The following FAS variants were observed in gnomAD, a reference collection of about 807,000 sequenced individuals.
The protein encoded by FAS is Fas cell surface death receptor, also known as tumor necrosis factor receptor superfamily member 6.
In FAS, 5 loss-of-function variants were observed where a neutral mutation model predicts 33.2. That is an observed-to-expected ratio of 0.15 (90% CI 0.08 to 0.32). The LOEUF (loss-of-function observed/expected upper bound fraction) is 0.32, where lower values mean the gene tolerates loss of function less well. FAS is among the 10% of genes least tolerant of loss of function. The pLI is 1.00. For missense variants in FAS, 339 were observed against 386.0 expected, an observed-to-expected ratio of 0.88 and a Z score of 1.02; for synonymous variants, 131 against 130.7, an observed-to-expected ratio of 1.00 and a Z score of -0.01.
In FAS at chr10:88,973,317, A is replaced by C. The variant is rs774745325; in HGVS notation, n.230A>C. On this transcript the variant is annotated non_coding_transcript_exon_variant, in exon 2 of 4. Transcript: ENST00000688239. ...ATCACCATCTGAACAGCTCTGAGAG[A>C]GACAAGAAGTGGAATGGAGAAGGTG... 3 of 1,570,488 alleles carry C rather than the reference A, an allele frequency of 1.9e-6. No individual in the cohort carries two copies. The Admixed American group carries it at 5.4e-5, about 28-fold the overall frequency.
In FAS at chr10:88,990,872, C is replaced by A. The variant is rs193250321; in HGVS notation, c.-5C>A. 13 of 1,614,238 alleles carry A rather than the reference C, an allele frequency of 8.1e-6. 1 individual carries two copies. Among genetic ancestry groups the A allele is most frequent in the Middle Eastern group, 1.6e-4 (1 of 6,062 alleles). ...TCTTTCACTTCGGAGGATTGCTCAACAACCATGCTGGGCATCTGGACCCTC... is the reference window on the plus strand; with the variant it reads ...TCTTTCACTTCGGAGGATTGCTCAAAAACCATGCTGGGCATCTGGACCCTC... On this transcript the variant is annotated 5_prime_UTR_variant, in exon 1 of 9. Coordinates refer to ENST00000652046, the MANE Select transcript of FAS (RefSeq NM_000043.6). This position sits in a 1 kb window ranked among gnomAD's most constrained non-coding sequence, Gnocchi z 4.9.
At chr10:89,013,322 C>G in intron 7 of FAS, 21 bp from the exon 8 acceptor site, 2 of 1,607,388 alleles carry the variant, frequency 1.2e-6, no homozygotes, top group Non-Finnish European at 1.7e-6. Flanking sequence ...TCTTTCTCTG[C>G]TTCCATTTTT....
rs1238133154 is a variant in FAS at position 89,015,368 on chromosome 10, T to A, written c.*918T>A. ...TCAGAGAAAGTAGCTTTGTGACATG[T>A]CATGAACCCATGTTTGCAATCAAAG... On this transcript the variant is annotated 3_prime_UTR_variant, in exon 9 of 9. Coordinates refer to ENST00000652046, the MANE Select transcript of FAS (RefSeq NM_000043.6). 1.9e-6 allele frequency: 1 copy of A among 532,186 alleles called. No individual in the cohort carries two copies. Among genetic ancestry groups the A allele is most frequent in the Admixed American group, 2.2e-5 (1 of 44,950 alleles). 33.0% of individuals were successfully genotyped at this position (532,186 alleles called of 1,614,324 possible).
In FAS at chr10:89,014,481, T is replaced by C; in HGVS notation, c.*31T>C. On this transcript the variant is annotated 3_prime_UTR_variant, in exon 9 of 9. Transcript: ENST00000652046. ...AAAACAACAAATTCAGTTCTGAGTA[T>C]ATGCAATTAGTGTTTGAAAAGATTC... 6.3e-7 allele frequency: 1 copy of C among 1,586,284 alleles called. No individual in the cohort carries two copies. Among genetic ancestry groups the C allele is most frequent in the Non-Finnish European group, 8.6e-7 (1 of 1,165,448 alleles).
At chr10:88,976,869 C>T (rs1289372144) in intron 2 of FAS, among the ~76,000 whole-genome samples, 2 of 152,116 alleles carry the variant, frequency 1.3e-5, no homozygotes, top group Non-Finnish European at 2.9e-5. Flanking sequence ...ATTATTAGAG[C>T]TTCTTAGAGG....
At chr10:88,965,454 CT>C (rs1373855548) in intron 1 of FAS, among the ~76,000 whole-genome samples, 9 of 152,168 alleles carry the variant, frequency 5.9e-5, no homozygotes, top group Non-Finnish European at 1.2e-4. Flanking sequence ...CATTCTCTGG[CT>C]GTAGGCTTTC....
chr10:88,991,054 G>C, intron 1 of FAS, 148 bp downstream of exon 1: 1 of 1,022,084 alleles, frequency 9.8e-7, no homozygotes, highest in South Asian at 1.4e-5. Context: ...GGAGGCGTTG[G>C]AGACTGGCTC....
At chr10:88,965,852 GACTA>G (rs1318632181) in intron 1 of FAS, among the ~76,000 whole-genome samples, 4 of 152,166 alleles carry the variant, frequency 2.6e-5, no homozygotes, top group Non-Finnish European at 5.9e-5. Context: ...TCACCGTAAT[GACTA>G]ACTTTTGAGA....
intron 1 of FAS, 23 bp from the exon 2 acceptor site, chr10:89,003,006 C>A (rs760471530): frequency 2.5e-6 from 4 of 1,613,660 alleles, no homozygotes; most frequent in Non-Finnish European, 2.5e-6. Context: ...CAATAAAATT[C>A]TCTTCATGCT....
At chr10:88,985,503 C>CA (rs1483500973), upstream of FAS, among the ~76,000 whole-genome samples, 1 of 152,216 alleles carries the variant, frequency 6.6e-6, no homozygotes, top group Non-Finnish European at 1.5e-5. Flanking sequence ...CTCCCCTGCC[C>CA]ATTCTCCTCC....
At chr10:89,000,378 C>T (rs539412805) in intron 1 of FAS, among the ~76,000 whole-genome samples, 6 of 152,274 alleles carry the variant, frequency 3.9e-5, no homozygotes, top group South Asian at 2.1e-4. Context: ...TAACACAGTT[C>T]GTTATGATAA....
chr10:88,969,026 C>T (rs1009491942), intron 1 of FAS, among the ~76,000 whole-genome samples: 2 of 151,900 alleles, frequency 1.3e-5, no homozygotes, highest in African/African-American at 2.4e-5. Context: ...GGTAGAAGAT[C>T]CTCCTAAATA....
In FAS at chr10:89,010,742, C is replaced by G. The variant is rs751461189; in HGVS notation, c.506-11C>G. 7 of 1,613,894 alleles carry G rather than the reference C, an allele frequency of 4.3e-6. No homozygotes were observed. In the East Asian group the frequency reaches 1.3e-4, roughly 31 times the overall value. ...ATTTTCATATAAAATGTCCAATGTT[C>G]CAACCTACAGGATCCAGATCTAACT... On this transcript the variant is annotated splice_polypyrimidine_tract_variant and intron_variant, in intron 5 of 8. Coordinates refer to ENST00000652046, the MANE Select transcript of FAS (RefSeq NM_000043.6).
At chr10:88,988,092 T>C (rs1377013306), upstream of FAS, among the ~76,000 whole-genome samples, 1 of 152,200 alleles carries the variant, frequency 6.6e-6, no homozygotes, top group African/African-American at 2.4e-5. Flanking sequence ...TACAATCACG[T>C]GAGCCAACTC....
In FAS at chr10:89,012,071, C is replaced by T. The variant is rs748148400; in HGVS notation, c.641C>T (p.Thr214Ile). ...KENQGSHESP[T>I]LNPETVAINL... ...AACCAAGGTTCTCATGAATCTCCAA[C>T]TTTAAATCCTGTAGGTATTGAAATA... Residue 214 changes from threonine (T) to isoleucine (I), a missense_variant, in exon 7 of 9, where the codon ACT (threonine) becomes ATT (isoleucine). Around this residue, in one of 3 missense-constraint regions of FAS, gnomAD observed 276 missense variants for 300.1 expected, o/e 0.92. Coordinates refer to ENST00000652046, the MANE Select transcript of FAS (RefSeq NM_000043.6). 14 of 1,612,580 alleles carry T rather than the reference C, an allele frequency of 8.7e-6. No homozygotes were observed. In the South Asian group the frequency reaches 1.3e-4, roughly 15 times the overall value.
chr10:88,965,686 C>A (rs1470473538), intron 1 of FAS, among the ~76,000 whole-genome samples: 1 of 152,066 alleles, frequency 6.6e-6, no homozygotes, highest in Admixed American at 6.5e-5. Flanking sequence ...CAAGGGTGAC[C>A]ATCATGCTTT....
intron 2 of FAS, among the ~76,000 whole-genome samples, chr10:89,003,700 C>T (rs909426907): frequency 6.6e-6 from 1 of 152,098 alleles, no homozygotes; most frequent in South Asian, 2.1e-4. Flanking sequence ...CAGGCAGAAA[C>T]CAACAGCTTT....
intron 1 of FAS, among the ~76,000 whole-genome samples, chr10:88,970,899 A>G (rs1404926929): frequency 6.6e-6 from 1 of 150,842 alleles, no homozygotes; most frequent in Non-Finnish European, 1.5e-5. Context: ...GTGTGTGTGT[A>G]TATATATAAA....
At chr10:88,989,171 G>T (rs1175211403), upstream of FAS, among the ~76,000 whole-genome samples, 1 of 152,068 alleles carries the variant, frequency 6.6e-6, no homozygotes, top group Non-Finnish European at 1.5e-5. Context: ...ATAATGATAA[G>T]TATTAAGTAA....
Sources: allele counts gnomAD v4.1 joint callset (sites outside exome capture counted in the v4.1 genomes callset), GRCh38; gene constraint gnomAD v4.1.1; regional missense constraint gnomAD v4.1.1; non-coding constraint Gnocchi (gnomAD v3.1); transcripts MANE v1.5; gene names NCBI Gene and HGNC (gene_info 2026-07-23, HGNC 2026-07-21).